The following DNAH9 variants were observed in gnomAD, a reference collection of about 807,000 sequenced individuals.
DNAH9 encodes the protein DNAH9 variant protein.
In DNAH9, 345 loss-of-function variants were observed where a neutral mutation model predicts 471.6. That is an observed-to-expected ratio of 0.73 (90% CI 0.67 to 0.80). The LOEUF (loss-of-function observed/expected upper bound fraction) is 0.80. DNAH9 is among the 30% of genes least tolerant of loss of function. The pLI, the probability that DNAH9 is intolerant of heterozygous loss-of-function variation, is 0.00. For synonymous variants in DNAH9, 2,093 were observed against 2,123.6 expected, an observed-to-expected ratio of 0.99 and a Z score of 0.40; for missense variants, 5,407 against 5,609.2, an observed-to-expected ratio of 0.96 and a Z score of 1.15.
chr17:11,943,028 T>C (rs1242341207), intron 67 of DNAH9, among the ~76,000 whole-genome samples: 1 of 151,676 alleles, frequency 6.6e-6, no homozygotes, highest in East Asian at 2.0e-4. Flanking sequence ...CCCGAGTAGC[T>C]GGGACTACAG....
chr17:11,846,261 T>C (rs1293606205), intron 49 of DNAH9, among the ~76,000 whole-genome samples: 2 of 142,554 alleles, frequency 1.4e-5, no homozygotes, highest in African/African-American at 5.4e-5. Flanking sequence ...AAATAGGGAA[T>C]CCTTTCCCCA....
At chr17:11,942,995 A>C (rs1232772883) in intron 67 of DNAH9, among the ~76,000 whole-genome samples, 2 of 147,408 alleles carry the variant, frequency 1.4e-5, no homozygotes, top group African/African-American at 5.0e-5. Flanking sequence ...TCCTGGGTTC[A>C]CGCCATTCTC....
intron 54 of DNAH9, among the ~76,000 whole-genome samples, chr17:11,880,555 C>T (rs779898613): frequency 1.1e-4 from 16 of 152,114 alleles, no homozygotes; most frequent in Admixed American, 6.5e-4. Flanking sequence ...TCTGACAACT[C>T]GGTTCCTTGT....
chr17:11,900,340 G>C (rs918261690), intron 59 of DNAH9, among the ~76,000 whole-genome samples: 1 of 151,714 alleles, frequency 6.6e-6, no homozygotes, highest in Admixed American at 6.6e-5. Flanking sequence ...TCATTTCCAC[G>C]GGACAAAAGC....
chr17:11,823,939 A>AAAAG (rs1188787563), intron 48 of DNAH9, among the ~76,000 whole-genome samples: 41 of 151,958 alleles, frequency 2.7e-4, no homozygotes, highest in Middle Eastern at 6.8e-3. Flanking sequence ...CAAAAAAAAA[A>AAAAG]AAAGAAAGAA....
rs182266471 is a variant in DNAH9 at position 11,784,636 on chromosome 17, C to T, written c.8061+97C>T. The T allele has an allele frequency of 2.6e-6, 4 of 1,538,088 alleles. No individual in the cohort carries two copies. In the African/African-American group the frequency reaches 5.4e-5, roughly 21 times the overall value. ...AAGTAGCTAATGCCCAGCTCATAGGCACAGGCAAAGCCACTGTTCATATGT... is the reference window on the plus strand; with the variant it reads ...AAGTAGCTAATGCCCAGCTCATAGGTACAGGCAAAGCCACTGTTCATATGT... On this transcript the variant is annotated intron_variant, in intron 41 of 68. Transcript: ENST00000262442.
At chr17:11,938,858 C>T (rs1012853772) in intron 66 of DNAH9, among the ~76,000 whole-genome samples, 4 of 152,126 alleles carry the variant, frequency 2.6e-5, no homozygotes, top group African/African-American at 9.7e-5. Context: ...TTTGACCTCC[C>T]AAAGTGCTAG....
intron 38 of DNAH9, among the ~76,000 whole-genome samples, chr17:11,773,927 C>T (rs4792175): frequency 0.14 from 21,482 of 151,754 alleles, 2,006 homozygotes; most frequent in African/African-American, 0.27. Flanking sequence ...GTCAGGAGTT[C>T]GAGACCAGCC....
At chr17:11,955,213 A>G (rs915022762) in intron 67 of DNAH9, among the ~76,000 whole-genome samples, 1 of 152,200 alleles carries the variant, frequency 6.6e-6, no homozygotes, top group Non-Finnish European at 1.5e-5. Context: ...ACACAGCCAC[A>G]GTCATTCATA....
intron 68 of DNAH9, among the ~76,000 whole-genome samples, chr17:11,968,394 G>A (rs1188579150): frequency 1.3e-5 from 2 of 152,088 alleles, no homozygotes; most frequent in African/African-American, 4.8e-5. Flanking sequence ...CTTTGTCCAT[G>A]GCATAAAGGC....
At chr17:11,604,528 C>T (rs1280638365) in intron 1 of DNAH9, among the ~76,000 whole-genome samples, 1 of 152,152 alleles carries the variant, frequency 6.6e-6, no homozygotes, top group African/African-American at 2.4e-5. Context: ...GCCTACTCAA[C>T]ATCTCTATCT....
rs536421881 is a variant in DNAH9, at chr17:11,894,039, G to T, written c.11284-335G>T. ...ATACGTCATTTTGACATTCTCCTCA[G>T]ATCATGTCATTTGTATGTGTCATCT... On this transcript the variant is annotated intron_variant, in intron 58 of 68. Transcript: ENST00000262442. 8.5e-5 allele frequency among the ~76,000 whole-genome samples: 13 copies of T among 152,216 alleles called. No individual in the cohort carries two copies. In the South Asian group the frequency reaches 2.7e-3, roughly 32 times the overall value.
At chr17:11,834,959 CT>C in intron 49 of DNAH9, 61 bp downstream of exon 49, 1 of 1,564,684 alleles carries the variant, frequency 6.4e-7, no homozygotes, top group African/African-American at 1.4e-5. Context: ...CAGAGACCAC[CT>C]TGGCATTCCC....
chr17:11,706,896 C>T (rs1325131759), intron 26 of DNAH9, among the ~76,000 whole-genome samples: 4 of 151,992 alleles, frequency 2.6e-5, no homozygotes, highest in Admixed American at 6.6e-5. Context: ...GAGGGAGTTC[C>T]GACTTTGGGG....
intron 50 of DNAH9, among the ~76,000 whole-genome samples, chr17:11,861,734 A>G (rs1373270210): frequency 9.2e-5 from 14 of 151,458 alleles, no homozygotes; most frequent in Non-Finnish European, 1.5e-4. Context: ...GTGTGAGATG[A>G]TATCTCATTG....
rs774133640 is a variant in DNAH9 at position 11,768,437 on chromosome 17, G to C, written c.7171-16G>C. Reference sequence around the variant, plus strand: ...TTCTGGAGGACCTTGTCCCCTGACTGTCTTTGTTTTTGCAGCTTGTGGACT... The same window carrying C: ...TTCTGGAGGACCTTGTCCCCTGACTCTCTTTGTTTTTGCAGCTTGTGGACT... On this transcript the variant is annotated splice_polypyrimidine_tract_variant and intron_variant, in intron 36 of 68. Coordinates refer to ENST00000262442, the MANE Select transcript of DNAH9 (RefSeq NM_001372.4). The C allele has an allele frequency of 4.5e-5, 72 of 1,609,686 alleles. No homozygotes were observed. The highest frequency in any genetic ancestry group is 6.0e-5 in the Non-Finnish European group (71 of 1,176,422).
intron 14 of DNAH9, among the ~76,000 whole-genome samples, chr17:11,661,189 A>T (rs1481336020): frequency 6.6e-6 from 1 of 151,046 alleles, no homozygotes; most frequent in Admixed American, 6.6e-5. Flanking sequence ...ATTTCTAAAA[A>T]TACCCTCTTG....
chr17:11,626,519 G>A lies in DNAH9; in HGVS notation c.1351-2898G>A, dbSNP rs62060780. Among the ~76,000 whole-genome samples the A allele has an allele frequency of 7.2e-3, 1,090 of 152,206 alleles. 13 individuals carry two copies. The highest frequency in any genetic ancestry group is 0.013 in the Non-Finnish European group (887 of 67,994). On this transcript the variant is annotated intron_variant, in intron 6 of 68. Transcript: ENST00000262442. The surrounding 1 kb of genome is among the most constrained non-coding windows in gnomAD (Gnocchi z 4.3). ...GATGGAGAGCTCCCTCCCTCTCTTT[G>A]TAGCCCATTCTACAGCATTAGATGG...
chr17:11,793,902 A>G (rs1442632220), intron 42 of DNAH9, among the ~76,000 whole-genome samples: 1 of 152,072 alleles, frequency 6.6e-6, no homozygotes, highest in African/African-American at 2.4e-5. Flanking sequence ...CCAAGTCCCC[A>G]CATGGTACTT....
Sources: gnomAD v4.1 joint callset for allele counts (sites outside exome capture counted in the v4.1 genomes callset) on GRCh38, gnomAD v4.1.1 for gene constraint, Gnocchi (gnomAD v3.1) non-coding constraint, MANE v1.5 for transcripts, NCBI Gene and HGNC (gene_info 2026-07-23, HGNC 2026-07-21) for gene names.